The following TRPS1 variants were observed in gnomAD, a reference collection of about 807,000 sequenced individuals.
TRPS1 encodes transcriptional repressor GATA binding 1.
In TRPS1, 6 loss-of-function variants were observed where a neutral mutation model predicts 101.2. That is an observed-to-expected ratio of 0.06 (90% CI 0.03 to 0.12). The LOEUF (loss-of-function observed/expected upper bound fraction) is 0.12, where lower values mean the gene tolerates loss of function less well. TRPS1 is among the 10% of genes least tolerant of loss of function. The pLI is 1.00. For synonymous variants in TRPS1, 578 were observed against 589.8 expected (o/e 0.98, Z 0.29); for missense variants, 1,363 against 1,567.0 (o/e 0.87, Z 2.20).
intron 5 of TRPS1, among the ~76,000 whole-genome samples, chr8:115,584,556 C>T (rs1817522085): frequency 6.6e-6 from 1 of 150,900 alleles, no homozygotes; most frequent in Admixed American, 6.6e-5. Flanking sequence ...TCACTAATAA[C>T]TATGCCTCTG....
At chr8:115,653,873 A>C (rs572403840) in intron 1 of TRPS1, among the ~76,000 whole-genome samples, 1 of 152,298 alleles carries the variant, frequency 6.6e-6, no homozygotes, top group South Asian at 2.1e-4. Flanking sequence ...AGCATTTCAA[A>C]GACACTTCTG....
At chr8:115,449,415 TC>T (rs777703313) in intron 5 of TRPS1, among the ~76,000 whole-genome samples, 3 of 152,192 alleles carry the variant, frequency 2.0e-5, no homozygotes, top group African/African-American at 7.2e-5. Flanking sequence ...AAACTAACAG[TC>T]CATTCAGCGT....
At chr8:115,481,398 C>T (rs1220287084) in intron 5 of TRPS1, among the ~76,000 whole-genome samples, 1 of 143,746 alleles carries the variant, frequency 7.0e-6, no homozygotes, top group Non-Finnish European at 1.5e-5. Flanking sequence ...TAAAAATCAA[C>T]CCCCCCCCAC....
At chr8:115,563,381 C>CTTACAAAATA (rs1464934275) in intron 5 of TRPS1, among the ~76,000 whole-genome samples, 1 of 152,002 alleles carries the variant, frequency 6.6e-6, no homozygotes, top group Non-Finnish European at 1.5e-5. Flanking sequence ...AGGCTAACCC[C>CTTACAAAATA]TTACAAAATA....
intron 3 of TRPS1, 117 bp from the exon 4 acceptor site, chr8:115,605,119 C>T: frequency 1.1e-6 from 1 of 899,334 alleles, no homozygotes; most frequent in Non-Finnish European, 1.8e-6. Flanking sequence ...AATAGTACTC[C>T]TGCTTATTAT....
chr8:115,513,355 T>A (rs965808629), intron 5 of TRPS1, among the ~76,000 whole-genome samples: 10 of 151,764 alleles, frequency 6.6e-5, no homozygotes, highest in Admixed American at 3.9e-4. Context: ...GCACCATATT[T>A]GGTTCTTCCA....
chr8:115,660,151 T>G (rs1034055428), intron 1 of TRPS1, among the ~76,000 whole-genome samples: 1 of 151,950 alleles, frequency 6.6e-6, no homozygotes, highest in African/African-American at 2.4e-5. Flanking sequence ...TGCCATATAT[T>G]TTTACACTAT....
chr8:115,623,906 C>T (rs1190939057), intron 1 of TRPS1, 148 bp from the exon 2 acceptor site: 6 of 626,380 alleles, frequency 9.6e-6, no homozygotes, highest in African/African-American at 3.7e-5. Flanking sequence ...AGATCCTCTC[C>T]CTCCCCAGGG....
intron 1 of TRPS1, among the ~76,000 whole-genome samples, chr8:115,625,495 T>C (rs374987177): frequency 6.6e-6 from 1 of 151,862 alleles, no homozygotes; most frequent in African/African-American, 2.4e-5. Context: ...GTGGTTTAAA[T>C]ACCACCGAAG....
chr8:115,513,448 A>G (rs1017064237), intron 5 of TRPS1, among the ~76,000 whole-genome samples: 1 of 151,694 alleles, frequency 6.6e-6, no homozygotes, highest in African/African-American at 2.4e-5. Context: ...TAAAGAAAAG[A>G]AGTAGACAAG....
chr8:115,424,736 AAATT>A (rs1813147673), intron 5 of TRPS1, among the ~76,000 whole-genome samples: 2 of 152,226 alleles, frequency 1.3e-5, no homozygotes, highest in Admixed American at 6.5e-5. Context: ...CTTCAGAAAC[AAATT>A]AATACTTGCT....
At chr8:115,666,864 CCCTTT>C (rs72306809) in intron 1 of TRPS1, among the ~76,000 whole-genome samples, 75,009 of 151,446 alleles carry the variant, frequency 0.5, 21,370 homozygotes, top group African/African-American at 0.78. Context: ...CTCTCCCAGA[CCCTTT>C]CCTTTCCTGT....
In TRPS1 at chr8:115,411,560, TTTAA is replaced by T. The variant is rs1213676553; in HGVS notation, c.*2459_*2462del. 6.6e-6 allele frequency: 1 copy of T among 152,532 alleles called. No individual in the cohort carries two copies. Among genetic ancestry groups the T allele is most frequent in the Non-Finnish European group, 1.5e-5 (1 of 67,996 alleles). 9.4% of individuals were successfully genotyped at this position (152,532 alleles called of 1,614,324 possible). A position where few individuals can be genotyped will look rare whatever the true frequency, so the allele number is the denominator to read the frequency against. The stretch of plus-strand genomic sequence containing the variant: ...GGGAATCTCCTCTCTTTTTTAGATC[TTTAA>T]TTGTCACCTCTCAAGTCTGGCTATA... On this transcript the variant is annotated 3_prime_UTR_variant, in exon 7 of 7. Coordinates refer to ENST00000395715, the MANE Select transcript of TRPS1 (RefSeq NM_014112.5).
In TRPS1 at chr8:115,663,721, G is replaced by GAA. The variant is rs1201864123; in HGVS notation, c.-122+4822_-122+4823dup. 4.6e-3 allele frequency among the ~76,000 whole-genome samples: 353 copies of GAA among 76,794 alleles called. 2 individuals carry two copies. The highest frequency in any genetic ancestry group is 6.9e-3 in the Non-Finnish European group (226 of 32,622). 50.4% of individuals were successfully genotyped at this position (76,794 alleles called of 152,430 possible). On this transcript the variant is annotated intron_variant, in intron 1 of 6. Transcript: ENST00000395715. ...ATTTGGATTTGTGCTCTTGGAAAAG[G>GAA]AAAAAAAAAAAAAAAAAAAAAACTG...
intron 1 of TRPS1, among the ~76,000 whole-genome samples, chr8:115,658,688 T>C (rs908447248): frequency 6.6e-6 from 1 of 152,162 alleles, no homozygotes; most frequent in Non-Finnish European, 1.5e-5. Context: ...AACAGTGATA[T>C]ACTGAATTAT....
At chr8:115,438,630 C>T (rs1204704360) in intron 5 of TRPS1, among the ~76,000 whole-genome samples, 1 of 152,148 alleles carries the variant, frequency 6.6e-6, no homozygotes, top group Non-Finnish European at 1.5e-5. Flanking sequence ...TCTCTAATAT[C>T]TCTTCTAGAT....
intron 5 of TRPS1, among the ~76,000 whole-genome samples, chr8:115,567,115 C>A (rs1817086645): frequency 6.9e-6 from 1 of 145,376 alleles, no homozygotes. Flanking sequence ...TGGTTAACAC[C>A]AAGTTTTAGG....
intron 5 of TRPS1, among the ~76,000 whole-genome samples, chr8:115,536,793 T>C (rs1042814474): frequency 6.6e-6 from 1 of 151,768 alleles, no homozygotes; most frequent in East Asian, 1.9e-4. Flanking sequence ...TGAAGTTTTT[T>C]TTTTGTTTTT....
In TRPS1 at chr8:115,642,496, C is replaced by T. The variant is rs138021855; in HGVS notation, c.-121-18738G>A. Among the ~76,000 whole-genome samples, 207 of 152,116 alleles carry T rather than the reference C, an allele frequency of 1.4e-3. 1 individual carries two copies. The highest frequency in any genetic ancestry group is 4.8e-3 in the African/African-American group (200 of 41,530). ...ACTTCTTCCATTATTTAAAAACTTA[C>T]ATAACCAAAAGAGTAATTCTAATCA... is the stretch of plus-strand genomic sequence containing the variant. On this transcript the variant is annotated intron_variant, in intron 1 of 6. Coordinates refer to ENST00000395715, the MANE Select transcript of TRPS1 (RefSeq NM_014112.5).
Sources: allele counts gnomAD v4.1 joint callset (sites outside exome capture counted in the v4.1 genomes callset), GRCh38; gene constraint gnomAD v4.1.1; transcripts MANE v1.5; gene names NCBI Gene and HGNC (gene_info 2026-07-23, HGNC 2026-07-21).